KIF1B: variants seen among roughly 807,000 people sequenced by gnomAD.
KIF1B encodes kinesin-like protein KIF1B.
KIF1B carries 76 observed loss-of-function variants against 241.9 expected under a neutral mutation model. The ratio of observed to expected loss-of-function variants is 0.31; its 90% confidence interval spans 0.26 to 0.38. The LOEUF is 0.38. Among genes scored for constraint, KIF1B ranks in the 10% least tolerant of loss-of-function variants. KIF1B has a pLI of 1.00. For missense variants in KIF1B, 1,622 were observed against 2,271.4 expected, an observed-to-expected ratio of 0.71 and a Z score of 5.81; for synonymous variants, 750 against 796.7, an observed-to-expected ratio of 0.94 and a Z score of 0.99.
intron 28 of KIF1B, 23 bp downstream of exon 28, chr1:10,334,661 G>A (rs751830394): frequency 2.6e-6 from 4 of 1,550,756 alleles, no homozygotes; most frequent in Non-Finnish European, 2.7e-6. Flanking sequence ...CTTCTGAAAT[G>A]AGAGCTGTGA....
intron 27 of KIF1B, among the ~76,000 whole-genome samples, chr1:10,328,524 GGT>G (rs1329896934): frequency 1.5e-4 from 23 of 152,312 alleles, no homozygotes; most frequent in Admixed American, 1.5e-3. Flanking sequence ...AATTGAGAAA[GGT>G]ATGTACAAAT....
chr1:10,292,646 A>AT (rs1391299123), intron 17 of KIF1B, among the ~76,000 whole-genome samples: 1 of 152,182 alleles, frequency 6.6e-6, no homozygotes, highest in Admixed American at 6.5e-5. Flanking sequence ...TTCCTTCTTC[A>AT]TTTTTTAAAA....
intron 15 of KIF1B, among the ~76,000 whole-genome samples, chr1:10,285,142 G>A (rs1402122449): frequency 6.6e-6 from 1 of 152,220 alleles, no homozygotes; most frequent in East Asian, 1.9e-4. Flanking sequence ...CAGAGCCAGA[G>A]TGAGAAATAG....
chr1:10,373,126 A>AT (rs1638792307), intron 45 of KIF1B, among the ~76,000 whole-genome samples: 2 of 140,236 alleles, frequency 1.4e-5, no homozygotes, highest in Admixed American at 7.1e-5. Flanking sequence ...CACCCAGCTA[A>AT]TTTTTTGTAT....
In KIF1B at chr1:10,316,055, C is replaced by CAA. The variant is rs1308346575; in HGVS notation, c.2116-3969_2116-3968dup. On this transcript the variant is annotated intron_variant, in intron 22 of 48. Coordinates refer to ENST00000676179, the MANE Select transcript of KIF1B (RefSeq NM_001365951.3). ...TGGGTGACAGAGCAAAACTCCATCTCAAAAAAAAAAAAAAAAAAAAGCTAT... is the reference window on the plus strand; with the variant it reads ...TGGGTGACAGAGCAAAACTCCATCTCAAAAAAAAAAAAAAAAAAAAAAGCTAT... 5.3e-3 allele frequency among the ~76,000 whole-genome samples: 136 copies of CAA among 25,816 alleles called. 1 individual carries two copies. Among genetic ancestry groups the CAA allele is most frequent in the African/African-American group, 0.017 (119 of 6,880 alleles). 16.9% of individuals were successfully genotyped at this position (25,816 alleles called of 152,430 possible).
At chr1:10,359,153 T>C (rs1249612944) in intron 38 of KIF1B, among the ~76,000 whole-genome samples, 2 of 152,230 alleles carry the variant, frequency 1.3e-5, no homozygotes, top group East Asian at 3.8e-4. Context: ...CTGTTGATCG[T>C]TTCTGGAGGA....
chr1:10,341,843 T>C (rs1408278453), intron 32 of KIF1B, among the ~76,000 whole-genome samples: 1 of 151,878 alleles, frequency 6.6e-6, no homozygotes, highest in Non-Finnish European at 1.5e-5. Context: ...TGGTGGTGCA[T>C]GTCTGTAGTC....
At chr1:10,305,310 C>G (rs1209072985) in intron 22 of KIF1B, 1 of 1,046,290 alleles carries the variant, frequency 9.6e-7, no homozygotes, top group Middle Eastern at 4.4e-4. Context: ...TTGAATGTAT[C>G]AGAATATGTA....
intron 7 of KIF1B, among the ~76,000 whole-genome samples, chr1:10,270,948 A>T (rs1648759752): frequency 6.6e-6 from 1 of 151,422 alleles, no homozygotes; most frequent in Non-Finnish European, 1.5e-5. Flanking sequence ...AAAAGGAAAG[A>T]AAATAAATGT....
intron 1 of KIF1B, among the ~76,000 whole-genome samples, chr1:10,224,230 C>G (rs1319822497): frequency 6.6e-6 from 1 of 152,184 alleles, no homozygotes; most frequent in Non-Finnish European, 1.5e-5. Context: ...GGTTCTCCTG[C>G]CTCAGCCTCC....
At chr1:10,371,785 T>TA (rs1638739476) in intron 45 of KIF1B, among the ~76,000 whole-genome samples, 1 of 151,960 alleles carries the variant, frequency 6.6e-6, no homozygotes, top group African/African-American at 2.4e-5. Flanking sequence ...ATAAATAAGA[T>TA]ACCCAGGCGT....
intron 2 of KIF1B, among the ~76,000 whole-genome samples, chr1:10,238,514 G>A (rs1034318817): frequency 5.3e-5 from 8 of 152,074 alleles, no homozygotes; most frequent in Non-Finnish European, 8.8e-5. Context: ...GACCAGCCTG[G>A]GCAACATGGC....
chr1:10,374,166 G>A lies in KIF1B; in HGVS notation c.4947-150G>A. ...AGAGTTAACTTTCTGAAGCCAGCTT[G>A]TCTCCTCAGCTGAGCTCTCTGCAAC... On this transcript the variant is annotated intron_variant, in intron 45 of 48. Transcript: ENST00000676179. The surrounding 1 kb of genome is among the most constrained non-coding windows in gnomAD (Gnocchi z 4.3). 1.3e-6 allele frequency: 1 copy of A among 782,112 alleles called. No homozygotes were observed. The allele number at this position is 782,112 out of a possible 1,614,324, so 48.4% of individuals were successfully genotyped here.
chr1:10,301,756 C>T (rs1004764191), intron 22 of KIF1B, among the ~76,000 whole-genome samples: 2 of 152,288 alleles, frequency 1.3e-5, no homozygotes, highest in East Asian at 3.9e-4. Context: ...CAACTTTTAT[C>T]TCCCGAATAG....
In KIF1B at chr1:10,261,998, A is replaced by G. The variant is rs777642531; in HGVS notation, c.429+28A>G. On this transcript the variant is annotated intron_variant, in intron 5 of 48. Transcript: ENST00000676179. The stretch of plus-strand genomic sequence containing the variant: ...GAGTACAGCCGTGAGTTGACACCGT[A>G]AGCCCTTGTTTTCCATTCTCTCAAG... 4.2e-5 allele frequency: 62 copies of G among 1,472,748 alleles called. No homozygotes were observed. In the East Asian group the frequency reaches 1.4e-3, roughly 32 times the overall value. 91.2% of individuals were successfully genotyped at this position (1,472,748 alleles called of 1,614,324 possible).
intron 19 of KIF1B, among the ~76,000 whole-genome samples, chr1:10,296,260 A>G (rs561218930): frequency 2.0e-5 from 3 of 152,286 alleles, no homozygotes; most frequent in South Asian, 2.1e-4. Flanking sequence ...GTTATTACCT[A>G]TATCTCATCC....
Position 10,371,100 on chromosome 1 carries a change from T to C in KIF1B, c.4825-41T>C, listed in dbSNP as rs17411502. ...CTATTGTTACTGTAGAGGCAGCTTT[T>C]TTCAGCTGAATGTAACTTGTAGTGT... On this transcript the variant is annotated intron_variant, in intron 44 of 48. Coordinates refer to ENST00000676179, the MANE Select transcript of KIF1B (RefSeq NM_001365951.3). 468,520 of 1,611,588 alleles carry C rather than the reference T, an allele frequency of 0.29. 69,798 individuals are homozygous for C. The highest frequency in any genetic ancestry group is 0.34 in the Admixed American group (20,173 of 59,986).
intron 2 of KIF1B, among the ~76,000 whole-genome samples, chr1:10,253,388 C>A (rs1220419729): frequency 5.9e-5 from 9 of 152,138 alleles, no homozygotes; most frequent in Non-Finnish European, 1.2e-4. Context: ...CACCTGTAAT[C>A]CCAGCACTTT....
chr1:10,233,977 T>C (rs1446957256), intron 2 of KIF1B, among the ~76,000 whole-genome samples: 2 of 152,002 alleles, frequency 1.3e-5, no homozygotes, highest in Non-Finnish European at 2.9e-5. Flanking sequence ...CTGGAGGTAA[T>C]ATTACATATT....
Sources: gnomAD v4.1 joint callset for allele counts (sites outside exome capture counted in the v4.1 genomes callset) on GRCh38, gnomAD v4.1.1 for gene constraint, Gnocchi (gnomAD v3.1) non-coding constraint, MANE v1.5 for transcripts, NCBI Gene and HGNC (gene_info 2026-07-23, HGNC 2026-07-21) for gene names.